Variants in SNRPA observed in about 807,000 individuals in gnomAD.
SNRPA encodes the protein U1 small nuclear ribonucleoprotein A.
A neutral mutation model predicts 24.5 loss-of-function variants in SNRPA; 10 were observed. That is an observed-to-expected ratio of 0.41 (90% CI 0.25 to 0.69). The LOEUF (loss-of-function observed/expected upper bound fraction) is 0.69. Ranked by LOEUF, SNRPA falls within the 30% of genes least tolerant of loss-of-function variation. SNRPA has a pLI of 0.33. For missense variants in SNRPA, 283 were observed against 394.7 expected (o/e 0.72, Z 2.40); for synonymous variants, 165 against 148.4 (o/e 1.11, Z -0.81).
At chr19:40,753,585 C>T (rs1356772581) in intron 1 of SNRPA, among the ~76,000 whole-genome samples, 2 of 149,942 alleles carry the variant, frequency 1.3e-5, no homozygotes, top group South Asian at 2.1e-4. Flanking sequence ...TTAGTAGAGA[C>T]GGGGTTTCAC....
At chr19:40,755,818 G>C (rs1270567274) in intron 1 of SNRPA, among the ~76,000 whole-genome samples, 1 of 152,196 alleles carries the variant, frequency 6.6e-6, no homozygotes, top group African/African-American at 2.4e-5. Flanking sequence ...ACCGGGTTCA[G>C]ATGGAATACG....
chr19:40,758,575 CA>C (rs1359211460), intron 2 of SNRPA, among the ~76,000 whole-genome samples: 1 of 152,178 alleles, frequency 6.6e-6, no homozygotes, highest in African/African-American at 2.4e-5. Context: ...TACTGTGTGT[CA>C]GGTACTGTTC....
chr19:40,755,257 C>CTTTT (rs1004235207), intron 1 of SNRPA, among the ~76,000 whole-genome samples: 325 of 82,532 alleles, frequency 3.9e-3, no homozygotes, highest in African/African-American at 0.014. Context: ...TTTTTCTTTT[C>CTTTT]TTTTTTTTTT....
chr19:40,757,229 C>T, intron 1 of SNRPA, 103 bp from the exon 2 acceptor site: 1 of 1,110,302 alleles, frequency 9.0e-7, no homozygotes, highest in Non-Finnish European at 1.3e-6. Flanking sequence ...GATTATGGAC[C>T]CGAGGCATTC....
At chr19:40,755,137 C>T (rs912863894) in intron 1 of SNRPA, among the ~76,000 whole-genome samples, 1 of 151,692 alleles carries the variant, frequency 6.6e-6, no homozygotes, top group Non-Finnish European at 1.5e-5. Flanking sequence ...AGTGCAGTGG[C>T]GCAATCTCTG....
At position 40,763,035 on chromosome 19, in the gene SNRPA, G is replaced by T. The variant is rs755108553; in HGVS notation, c.561G>T (p.Pro187=). 1 of 1,603,280 alleles carries T rather than the reference G, an allele frequency of 6.2e-7. No homozygotes were observed. The change falls in exon 4 of 6, where the codon CCG becomes CCT. Residue 187 remains proline, a synonymous_variant. Coordinates refer to ENST00000243563, the MANE Select transcript of SNRPA (RefSeq NM_004596.5). ...AGATCCCACCAGGGGCCATGCCCCC[G>T]CAGCAGCTTATGCCAGGACAGATGC... The part of the protein sequence containing the change: ...PGQIPPGAMP[P]QQLMPGQMPP...
intron 1 of SNRPA, 30 bp from the exon 2 acceptor site, chr19:40,757,302 G>A (rs985330499): frequency 9.3e-6 from 15 of 1,611,742 alleles, no homozygotes; most frequent in Non-Finnish European, 1.3e-5. Flanking sequence ...AAAAAGGGGA[G>A]CTCAAAGGTC....
Position 40,765,047 on chromosome 19 carries a change from G to A in SNRPA, c.729G>A (p.Arg243=). Residue 243 remains arginine (R), a synonymous_variant, in exon 6 of 6, where the codon CGG becomes CGA. Coordinates refer to ENST00000243563, the MANE Select transcript of SNRPA (RefSeq NM_004596.5). ...AGGAGGTCCGTCTGGTACCCGGGCG[G>A]CATGACATCGCCTTCGTGGAGTTTG... is the stretch of plus-strand genomic sequence containing the variant. ...GFKEVRLVPG[R]HDIAFVEFDN... 1 of 1,587,762 alleles carries A rather than the reference G, an allele frequency of 6.3e-7. No individual in the cohort carries two copies. Among genetic ancestry groups the A allele is most frequent in the Non-Finnish European group, 8.6e-7 (1 of 1,168,496 alleles).
chr19:40,760,216 C>G (rs1039555483), intron 3 of SNRPA, among the ~76,000 whole-genome samples: 2 of 152,012 alleles, frequency 1.3e-5, no homozygotes, highest in Non-Finnish European at 2.9e-5. Context: ...AGAGACGGGG[C>G]TTAGCCATAT....
rs2082912752 is a variant in SNRPA at position 40,757,335 on chromosome 19, T to C, written c.77T>C (p.Leu26Pro). The C allele has an allele frequency of 6.2e-7, 1 of 1,613,760 alleles. No individual in the cohort carries two copies. Among genetic ancestry groups the C allele is most frequent in the Admixed American group, 1.7e-5 (1 of 59,978 alleles). Residue 26 changes from leucine to proline, a missense_variant, in exon 2 of 6, where the codon CTA (leucine) becomes CCA (proline). Coordinates refer to ENST00000243563, the MANE Select transcript of SNRPA (RefSeq NM_004596.5). ...GTCTTTTTTTCCCCCACTGCAGAGC[T>C]AAAAAAGTCCCTGTACGCCATCTTC... ...NLNEKIKKDE[L>P]KKSLYAIFSQ...
At chr19:40,761,391 T>C (rs1156556164) in intron 3 of SNRPA, among the ~76,000 whole-genome samples, 1 of 151,886 alleles carries the variant, frequency 6.6e-6, no homozygotes, top group East Asian at 1.9e-4. Flanking sequence ...TTGAAGTGAA[T>C]TGCAGATCCA....
At chr19:40,756,354 C>T (rs555955332) in intron 1 of SNRPA, among the ~76,000 whole-genome samples, 5 of 151,670 alleles carry the variant, frequency 3.3e-5, no homozygotes, top group Non-Finnish European at 5.9e-5. Flanking sequence ...CCAGCACTTT[C>T]GGAGGCCAAG....
chr19:40,759,566 G>T lies in SNRPA; in HGVS notation c.382G>T (p.Gly128Trp). The T allele has an allele frequency of 6.2e-7, 1 of 1,613,480 alleles. No homozygotes were observed. The highest frequency in any genetic ancestry group is 8.5e-7 in the Non-Finnish European group (1 of 1,179,806). The change falls in exon 3 of 6, where the codon GGG becomes TGG. Residue 128 changes from glycine (G) to tryptophan (W), a missense_variant. Gly to Trp is a radical substitution (Grantham distance 184). Transcript: ENST00000243563. ...GGCCACCAAGAAGGCTGTGCAAGGC[G>T]GGGGAGCCACCCCCGTGGTGGGGGC... ...TPATKKAVQG[G>W]GATPVVGAVQ...
At chr19:40,762,794 T>C (rs2082938207) in intron 3 of SNRPA, 107 bp from the exon 4 acceptor site, 1 of 1,214,832 alleles carries the variant, frequency 8.2e-7, no homozygotes, top group South Asian at 1.4e-5. Context: ...TGCGCCTCTT[T>C]CTGGGTGTTT....
rs370176266 is a variant in SNRPA, at chr19:40,763,580, C to T, written c.601-7C>T. ...TTGTGCTCACCGACTCCCCTATACC[C>T]CCGCAGCTTTCTGAGAATCCACCGA... On this transcript the variant is annotated splice_polypyrimidine_tract_variant and splice_region_variant and intron_variant, in intron 4 of 5. Coordinates refer to ENST00000243563, the MANE Select transcript of SNRPA (RefSeq NM_004596.5). 1 of 1,613,762 alleles carries T rather than the reference C, an allele frequency of 6.2e-7. No homozygotes were observed. Among genetic ancestry groups the T allele is most frequent in the Non-Finnish European group, 8.5e-7 (1 of 1,179,736 alleles).
intron 2 of SNRPA, 77 bp from the exon 3 acceptor site, chr19:40,759,354 A>T (rs1263329954): frequency 2.4e-5 from 35 of 1,428,594 alleles, no homozygotes; most frequent in Non-Finnish European, 3.3e-5. Context: ...CTGGCCCCTG[A>T]TAAAGGTCCA....
intron 1 of SNRPA, among the ~76,000 whole-genome samples, chr19:40,753,760 C>T (rs1453058381): frequency 6.6e-6 from 1 of 151,308 alleles, no homozygotes; most frequent in African/African-American, 2.4e-5. Flanking sequence ...ACATTGGTGA[C>T]ATAGAACCCT....
chr19:40,751,827 C>T (rs1299447192), intron 1 of SNRPA, among the ~76,000 whole-genome samples: 1 of 152,176 alleles, frequency 6.6e-6, no homozygotes, highest in African/African-American at 2.4e-5. Context: ...GCTCTCTCTC[C>T]TCCCAGTGGC....
intron 4 of SNRPA, 49 bp downstream of exon 4, chr19:40,763,123 C>T (rs1043719121): frequency 7.0e-7 from 1 of 1,425,918 alleles, no homozygotes; most frequent in Non-Finnish European, 9.5e-7. Flanking sequence ...AGTGAGAATA[C>T]AGGACTAGAA....
Sources: allele counts gnomAD v4.1 joint callset (sites outside exome capture counted in the v4.1 genomes callset), GRCh38; gene constraint gnomAD v4.1.1; transcripts MANE v1.5; gene names NCBI Gene and HGNC (gene_info 2026-07-23, HGNC 2026-07-21).